ING1: variants seen among roughly 807,000 people sequenced by gnomAD.
The protein encoded by ING1 is inhibitor of growth family member 1, also known as inhibitor of growth protein 1.
ING1 carries 4 observed loss-of-function variants against 23.1 expected under a neutral mutation model. The observed-to-expected ratio is 0.17, with a 90% CI of 0.09 to 0.40. ING1 has a LOEUF of 0.40. Among genes scored for constraint, ING1 ranks in the 10% least tolerant of loss-of-function variants. The probability of loss-of-function intolerance (pLI) is 1.00; values close to 1 mark genes in which losing one functional copy is unlikely to be tolerated. For synonymous variants in ING1, 179 were observed against 166.4 expected (o/e 1.08, Z -0.58); for missense variants, 256 against 393.8 (o/e 0.65, Z 2.96).
upstream of ING1, chr13:110,713,232 C>G: frequency 7.1e-7 from 1 of 1,408,732 alleles, no homozygotes; most frequent in Non-Finnish European, 9.2e-7. Flanking sequence ...TCGGGCCCTA[C>G]TTATACTGCT....
chr13:110,719,176 T>G lies in ING1; in HGVS notation c.137-53T>G. The G allele has an allele frequency of 2.5e-6, 4 of 1,576,438 alleles. No individual in the cohort carries two copies. Among genetic ancestry groups the G allele is most frequent in the Non-Finnish European group, 3.5e-6 (4 of 1,152,104 alleles). Reference sequence around the variant, plus strand: ...CTCCGTAGACCCGTCCGGGGCCGTGTGGGTTGTCCCGGTGTCCTGCTCGCG... The same window carrying G: ...CTCCGTAGACCCGTCCGGGGCCGTGGGGGTTGTCCCGGTGTCCTGCTCGCG... On this transcript the variant is annotated intron_variant, in intron 1 of 1. Coordinates refer to ENST00000333219, the MANE Select transcript of ING1 (RefSeq NM_198219.3). The surrounding 1 kb of genome is among the most constrained non-coding windows in gnomAD (Gnocchi z 8.9).
At chr13:110,712,760 C>G (rs1331515436), upstream of ING1, 3 of 705,810 alleles carry the variant, frequency 4.3e-6, no homozygotes, top group Admixed American at 6.0e-5. Context: ...GTCCATGACA[C>G]AGGGCGGGAA....
chr13:110,720,148 A>G lies in ING1; in HGVS notation c.*216A>G, dbSNP rs898867536. On this transcript the variant is annotated 3_prime_UTR_variant, in exon 2 of 2. Transcript: ENST00000333219. ...AGTGGTCTGTGGATCAGCATTTTAGAAACTACAAATATAGGTTTGATTCAA... is the reference window on the plus strand; with the variant it reads ...AGTGGTCTGTGGATCAGCATTTTAGGAACTACAAATATAGGTTTGATTCAA... The G allele has an allele frequency of 1.9e-5, 8 of 414,782 alleles. No homozygotes were observed. The highest frequency in any genetic ancestry group is 1.2e-4 in the African/African-American group (6 of 48,430). 25.7% of individuals were successfully genotyped at this position (414,782 alleles called of 1,614,324 possible).
Position 110,713,810 on chromosome 13 carries a change from C to G in ING1, c.-340C>G, listed in dbSNP as rs1034270852. On this transcript the variant is annotated 5_prime_UTR_variant, in exon 1 of 2. Coordinates refer to ENST00000333219, the MANE Select transcript of ING1 (RefSeq NM_198219.3). ...AGCCCAGTGGGCGAGTGGGCAGCGG[C>G]GGCCGCGGCGCTGGGCCCTCTCCCG... is the stretch of plus-strand genomic sequence containing the variant. 1 of 983,940 alleles carries G rather than the reference C, an allele frequency of 1.0e-6. No individual in the cohort carries two copies. Among genetic ancestry groups the G allele is most frequent in the Non-Finnish European group, 1.2e-6 (1 of 829,172 alleles). The allele number at this position is 983,940 out of a possible 1,614,324, so 61.0% of individuals were successfully genotyped here. A position where few individuals can be genotyped will look rare whatever the true frequency, so the allele number is the denominator to read the frequency against.
At chr13:110,718,853 C>T (rs994500596) in intron 1 of ING1, among the ~76,000 whole-genome samples, 1 of 152,132 alleles carries the variant, frequency 6.6e-6, no homozygotes, top group Admixed American at 6.5e-5. Context: ...TAGACATAGT[C>T]ATTAATAGAA....
chr13:110,713,040 T>C, upstream of ING1: 1 of 1,478,134 alleles, frequency 6.8e-7, no homozygotes, highest in Non-Finnish European at 9.0e-7. Context: ...CCAGTGCGCA[T>C]GCGCCGCCAC....
chr13:110,718,447 G>T (rs1294169866), intron 1 of ING1, among the ~76,000 whole-genome samples: 1 of 152,146 alleles, frequency 6.6e-6, no homozygotes, highest in Non-Finnish European at 1.5e-5. Flanking sequence ...TAATAATAAA[G>T]CAAAGCTAGG....
upstream of ING1, chr13:110,713,347 C>T (rs2139962415): frequency 8.2e-6 from 9 of 1,093,608 alleles, no homozygotes; most frequent in Non-Finnish European, 1.0e-5. Flanking sequence ...AGGTCCTGGT[C>T]GGGTTTTCAG....
At chr13:110,715,493 C>T in intron 1 of ING1, 1 of 1,613,382 alleles carries the variant, frequency 6.2e-7, no homozygotes, top group Admixed American at 1.7e-5. Flanking sequence ...CGATTGGTCG[C>T]TGAGGCGGAT....
chr13:110,719,478 C>T lies in ING1; in HGVS notation c.386C>T (p.Ala129Val). Reference sequence around the variant, plus strand: ...GACACAGCGGGCAACAGCGGCAAGGCTGGCGCGGACAGGCCCAAAGGCGAG... The same window carrying T: ...GACACAGCGGGCAACAGCGGCAAGGTTGGCGCGGACAGGCCCAAAGGCGAG... ...LGDTAGNSGK[A>V]GADRPKGEAA... Residue 129 changes from alanine (A) to valine (V), a missense_variant, in exon 2 of 2, where the codon GCT becomes GTT. Physicochemically the swap from Ala to Val is moderately conservative, Grantham distance 64. Coordinates refer to ENST00000333219, the MANE Select transcript of ING1 (RefSeq NM_198219.3). This position sits in a 1 kb window ranked among gnomAD's most constrained non-coding sequence, Gnocchi z 8.9. The T allele has an allele frequency of 6.2e-7, 1 of 1,612,628 alleles. No individual in the cohort carries two copies. The highest frequency in any genetic ancestry group is 1.1e-5 in the South Asian group (1 of 91,018).
At position 110,713,981 on chromosome 13, in the gene ING1, A is replaced by C. The variant is rs2064075072; in HGVS notation, c.-169A>C. 9.1e-7 allele frequency: 1 copy of C among 1,093,800 alleles called. No individual in the cohort carries two copies. The highest frequency in any genetic ancestry group is 1.1e-6 in the Non-Finnish European group (1 of 900,546). 67.8% of individuals were successfully genotyped at this position (1,093,800 alleles called of 1,614,324 possible). ...GGCGCTGGGGTCCCCGCGGACCCGG[A>C]GGCGGCGGACGGGCTCGGCAGATGT... is the stretch of plus-strand genomic sequence containing the variant. On this transcript the variant is annotated 5_prime_UTR_variant, in exon 1 of 2. Coordinates refer to ENST00000333219, the MANE Select transcript of ING1 (RefSeq NM_198219.3).
intron 1 of ING1, chr13:110,715,319 G>A (rs1259604386): frequency 4.9e-6 from 7 of 1,434,470 alleles, no homozygotes; most frequent in South Asian, 4.6e-5. Context: ...GAAAGTACTA[G>A]ACGCCTCTGC....
chr13:110,713,110 A>G (rs2139961623), upstream of ING1: 1 of 1,435,962 alleles, frequency 7.0e-7, no homozygotes, highest in Admixed American at 2.8e-5. Flanking sequence ...GGTTTCTAGT[A>G]GTAAGAGTCC....
At chr13:110,712,775 T>C (rs189323995), upstream of ING1, 779 of 713,794 alleles carry the variant, frequency 1.1e-3, 6 homozygotes, top group African/African-American at 0.012. Context: ...CGGGAAGAGA[T>C]AAGGCCTAGG....
intron 1 of ING1, chr13:110,715,964 C>T: frequency 6.5e-7 from 1 of 1,537,336 alleles, no homozygotes. Context: ...TTTCAGGCCG[C>T]ATCTCTGCTG....
chr13:110,718,924 C>A (rs112243856), intron 1 of ING1, among the ~76,000 whole-genome samples: 1 of 152,214 alleles, frequency 6.6e-6, no homozygotes, highest in Admixed American at 6.5e-5. Flanking sequence ...CTCTTAATGG[C>A]TTCGGGCGTT....
In ING1 at chr13:110,713,768, GCTCCT is replaced by G; in HGVS notation, c.-378_-374del. 4.1e-6 allele frequency: 4 copies of G among 985,038 alleles called. No individual in the cohort carries two copies. Among genetic ancestry groups the G allele is most frequent in the Non-Finnish European group, 4.8e-6 (4 of 829,854 alleles). 61.0% of individuals were successfully genotyped at this position (985,038 alleles called of 1,614,324 possible). ...CGCGCCCCTTCCCGCTGCCCGCTCCGCTCCTCTCTTCTACCCAGCCCAGTGGGCGA... is the reference window on the plus strand; with the variant it reads ...CGCGCCCCTTCCCGCTGCCCGCTCCGCTCTTCTACCCAGCCCAGTGGGCGA... On this transcript the variant is annotated 5_prime_UTR_variant, in exon 1 of 2. Transcript: ENST00000333219.
At chr13:110,718,758 TAATA>T (rs935949483) in intron 1 of ING1, among the ~76,000 whole-genome samples, 4 of 152,004 alleles carry the variant, frequency 2.6e-5, no homozygotes, top group Non-Finnish European at 5.9e-5. Flanking sequence ...TGTATAAATG[TAATA>T]AATACCATGT....
rs764844251 is a variant in ING1 at position 110,722,928 on chromosome 13, A to G, written c.*2996A>G. The G allele has an allele frequency of 7.9e-5, 12 of 152,236 alleles. No individual in the cohort carries two copies. The highest frequency in any genetic ancestry group is 1.5e-4 in the Non-Finnish European group (10 of 68,058). The allele number at this position is 152,236 out of a possible 1,614,324, so 9.4% of individuals were successfully genotyped here. On this transcript the variant is annotated 3_prime_UTR_variant, in exon 2 of 2. Coordinates refer to ENST00000333219, the MANE Select transcript of ING1 (RefSeq NM_198219.3). ...CTGGAATCCCGACATGAGGACAAAA[A>G]TGGTACTGAATTCTTTTTGAAAAAT...
Sources: allele counts gnomAD v4.1 joint callset (sites outside exome capture counted in the v4.1 genomes callset), GRCh38; gene constraint gnomAD v4.1.1; non-coding constraint Gnocchi (gnomAD v3.1); transcripts MANE v1.5; gene names NCBI Gene and HGNC (gene_info 2026-07-23, HGNC 2026-07-21).